The following LRRC37A2 variants were observed in gnomAD, a reference collection of about 807,000 sequenced individuals.
LRRC37A2 encodes leucine-rich repeat-containing protein 37A2.
A neutral mutation model predicts 68.8 loss-of-function variants in LRRC37A2; 9 were observed. The observed-to-expected ratio is 0.13, with a 90% CI of 0.08 to 0.23. The LOEUF is 0.23. Among genes scored for constraint, LRRC37A2 ranks in the 10% least tolerant of loss-of-function variants. The pLI is 1.00. For synonymous variants in LRRC37A2, 63 were observed against 367.6 expected (o/e 0.17, Z 9.48); for missense variants, 168 against 950.4 (o/e 0.18, Z 10.82).
At chr17:46,792,619 G>A in the LRRC37A2 span, among the ~76,000 whole-genome samples, 2 of 152,168 alleles carry the variant, frequency 1.3e-5, no homozygotes, top group East Asian at 3.9e-4. Flanking sequence ...GACTATAGGT[G>A]CATGCCACCA....
the LRRC37A2 span, chr17:46,763,142 A>G: frequency 1.3e-5 from 2 of 152,136 alleles, no homozygotes; most frequent in Non-Finnish European, 2.9e-5. Context: ...CTGGTATTTT[A>G]GGTCAGGGTT....
At chr17:46,818,391 T>TC in the LRRC37A2 span, 12 of 726,132 alleles carry the variant, frequency 1.7e-5, no homozygotes, top group Non-Finnish European at 2.5e-5. Context: ...GGTGGGCGGG[T>TC]GGGGGGCTGG....
the LRRC37A2 span, among the ~76,000 whole-genome samples, chr17:46,771,236 G>A: frequency 2.0e-5 from 3 of 152,056 alleles, no homozygotes; most frequent in African/African-American, 7.2e-5. Context: ...CCGCGCCTGC[G>A]CTGCCAGGGC....
At chr17:46,787,618 G>A in the LRRC37A2 span, among the ~76,000 whole-genome samples, 1 of 152,152 alleles carries the variant, frequency 6.6e-6, no homozygotes, top group African/African-American at 2.4e-5. Flanking sequence ...CTGAAGGCTG[G>A]GCCTCATTCA....
the LRRC37A2 span, among the ~76,000 whole-genome samples, chr17:46,873,084 CTTCA>C: frequency 2.3e-4 from 28 of 119,504 alleles, 1 homozygote; most frequent in South Asian, 3.0e-3. Flanking sequence ...CCCTCTGCCT[CTTCA>C]CACACACACA....
At chr17:46,999,630 G>A in the LRRC37A2 span, among the ~76,000 whole-genome samples, 3 of 152,018 alleles carry the variant, frequency 2.0e-5, no homozygotes, top group East Asian at 2.0e-4. Flanking sequence ...GATTACAGGC[G>A]TGAGCCACCA....
chr17:46,818,542 A>C, the LRRC37A2 span: 1 of 1,608,646 alleles, frequency 6.2e-7, no homozygotes, highest in Non-Finnish European at 8.5e-7. Flanking sequence ...GCCAGCGAGG[A>C]CCCTGGTGCC....
At chr17:46,768,194 C>T in the LRRC37A2 span, 1 of 1,459,222 alleles carries the variant, frequency 6.9e-7, no homozygotes, top group South Asian at 1.2e-5. This position sits in a 1 kb window ranked among gnomAD's most constrained non-coding sequence, Gnocchi z 5.0. Flanking sequence ...GCTGTGGGAA[C>T]TTGTGTGTCT....
chr17:47,029,664 C>A, the LRRC37A2 span, among the ~76,000 whole-genome samples: 4 of 152,158 alleles, frequency 2.6e-5, no homozygotes, highest in Admixed American at 1.3e-4. Context: ...TTCCCTCACA[C>A]CAGAGAACAG....
the LRRC37A2 span, among the ~76,000 whole-genome samples, chr17:46,802,198 A>G: frequency 1.3e-5 from 2 of 152,310 alleles, no homozygotes; most frequent in Admixed American, 1.3e-4. Flanking sequence ...GGCAGCCCCT[A>G]GGCAGCTTCA....
At chr17:46,675,579 C>CAT in the LRRC37A2 span, among the ~76,000 whole-genome samples, 4 of 126,078 alleles carry the variant, frequency 3.2e-5, no homozygotes, top group Admixed American at 1.8e-4. Flanking sequence ...TGGAGGCTGA[C>CAT]ATATATATGT....
At chr17:46,754,844 C>T in the LRRC37A2 span, among the ~76,000 whole-genome samples, 2 of 152,216 alleles carry the variant, frequency 1.3e-5, 1 homozygote, top group South Asian at 4.1e-4. Context: ...GATACTGAGG[C>T]TAAGAAAAGC....
chr17:46,900,168 C>CATAT, the LRRC37A2 span, among the ~76,000 whole-genome samples: 934 of 63,864 alleles, frequency 0.015, 6 homozygotes, highest in South Asian at 0.021. Flanking sequence ...TATACATATA[C>CATAT]ATATATATAT....
At chr17:46,979,071 C>T in the LRRC37A2 span, 6 of 1,321,180 alleles carry the variant, frequency 4.5e-6, no homozygotes, top group South Asian at 8.5e-5. Context: ...CGCCGGGGTC[C>T]GCGCTCTCAG....
the LRRC37A2 span, among the ~76,000 whole-genome samples, chr17:46,945,137 T>C: frequency 2.0e-5 from 3 of 152,054 alleles, no homozygotes; most frequent in African/African-American, 7.2e-5. Context: ...CAGGAGATGA[T>C]GTGGGAGCAG....
At chr17:46,496,571 C>A in the LRRC37A2 span, among the ~76,000 whole-genome samples, 1 of 145,228 alleles carries the variant, frequency 6.9e-6, no homozygotes, top group Non-Finnish European at 1.5e-5. Context: ...CCACTGCACC[C>A]CAGCCTGGGA....
the LRRC37A2 span, among the ~76,000 whole-genome samples, chr17:46,993,155 AGTT>A: frequency 6.6e-6 from 1 of 152,184 alleles, no homozygotes; most frequent in African/African-American, 2.4e-5. Flanking sequence ...CAAAAAATAA[AGTT>A]GTCAATAGCT....
chr17:46,558,735 G>C (rs1260363892), downstream of LRRC37A2: 9 of 136,874 alleles, frequency 6.6e-5, 1 homozygote, highest in Admixed American at 6.6e-4. Flanking sequence ...CTCTAGCCTT[G>C]AACACCCTTG....
At chr17:46,932,331 C>T in the LRRC37A2 span, 1 of 1,053,788 alleles carries the variant, frequency 9.5e-7, no homozygotes, top group Non-Finnish European at 1.4e-6. Context: ...CTGGAAATGA[C>T]AGGAACTTTG....
Sources: allele counts gnomAD v4.1 joint callset (sites outside exome capture counted in the v4.1 genomes callset), GRCh38; gene constraint gnomAD v4.1.1; non-coding constraint Gnocchi (gnomAD v3.1); transcripts MANE v1.5; gene names NCBI Gene and HGNC (gene_info 2026-07-23, HGNC 2026-07-21).